Variants in ZFP82 observed in about 807,000 individuals in gnomAD.
ZFP82 encodes the protein ZFP82 zinc finger protein, also known as zinc finger protein 82 homolog.
ZFP82 carries 30 observed loss-of-function variants against 54.0 expected under a neutral mutation model. The ratio of observed to expected loss-of-function variants is 0.56; its 90% CI spans 0.42 to 0.75. The LOEUF is 0.75. ZFP82 is among the 30% of genes least tolerant of loss of function. ZFP82 has a pLI of 0.00. For synonymous variants in ZFP82, 194 were observed against 209.5 expected, an observed-to-expected ratio of 0.93 and a Z score of 0.64; for missense variants, 500 against 636.8, an observed-to-expected ratio of 0.79 and a Z score of 2.31.
chr19:36,397,017 A>G (rs1455704288), intron 4 of ZFP82, among the ~76,000 whole-genome samples: 2 of 152,188 alleles, frequency 1.3e-5, no homozygotes, highest in Non-Finnish European at 2.9e-5. Context: ...GAAGTAAAGC[A>G]GAAGAAAAAT....
intron 1 of ZFP82, among the ~76,000 whole-genome samples, chr19:36,414,306 C>G (rs1391958127): frequency 1.3e-5 from 2 of 151,316 alleles, no homozygotes; most frequent in African/African-American, 4.9e-5. Context: ...TGAGATTTTT[C>G]AGCATTGCTC....
At chr19:36,386,175 T>C (rs1321414728), downstream of ZFP82, among the ~76,000 whole-genome samples, 15 of 152,244 alleles carry the variant, frequency 9.9e-5, no homozygotes, top group Non-Finnish European at 1.5e-5. Context: ...TGCTGCCTCA[T>C]GACTCTGCTT....
chr19:36,406,612 T>C (rs1224480466), intron 3 of ZFP82, among the ~76,000 whole-genome samples: 2 of 152,264 alleles, frequency 1.3e-5, no homozygotes, highest in Non-Finnish European at 2.9e-5. Flanking sequence ...TGTATGACTA[T>C]GCCACATTTT....
At position 36,392,624 on chromosome 19, in the gene ZFP82, C is replaced by T; in HGVS notation, c.*117G>A. On this transcript the variant is annotated 3_prime_UTR_variant, in exon 5 of 5. Transcript: ENST00000392161. Reference sequence around the variant, plus strand: ...GTGATGATGGACTACAATACATTGTCACACTCTTTTAATGGTATAAAACCT... The same window carrying T: ...GTGATGATGGACTACAATACATTGTTACACTCTTTTAATGGTATAAAACCT... 1 of 860,410 alleles carries T rather than the reference C, an allele frequency of 1.2e-6. No individual in the cohort carries two copies. The highest frequency in any genetic ancestry group is 1.7e-6 in the Non-Finnish European group (1 of 588,058). The allele number at this position is 860,410 out of a possible 1,614,324, so 53.3% of individuals were successfully genotyped here.
chr19:36,404,197 C>A (rs1455099183), intron 4 of ZFP82, among the ~76,000 whole-genome samples: 1 of 152,186 alleles, frequency 6.6e-6, no homozygotes, highest in Non-Finnish European at 1.5e-5. Flanking sequence ...AAGTAAAAGT[C>A]CTAAACCCCG....
chr19:36,394,870 C>G (rs1404333723), intron 4 of ZFP82: 1 of 152,158 alleles, frequency 6.6e-6, no homozygotes, highest in Non-Finnish European at 1.5e-5. Context: ...ATTAACTTCT[C>G]CAATTGTTAT....
At chr19:36,405,266 G>A (rs1413365400) in intron 4 of ZFP82, among the ~76,000 whole-genome samples, 4 of 150,460 alleles carry the variant, frequency 2.7e-5, no homozygotes, top group African/African-American at 4.9e-5. Flanking sequence ...GTGAGCCAAA[G>A]AGAGCACCAC....
intron 1 of ZFP82, among the ~76,000 whole-genome samples, chr19:36,410,874 G>A (rs1489340955): frequency 6.6e-6 from 1 of 151,992 alleles, no homozygotes; most frequent in Non-Finnish European, 1.5e-5. Flanking sequence ...CCATGCAATG[G>A]ATCAGAAATT....
downstream of ZFP82, among the ~76,000 whole-genome samples, chr19:36,386,150 G>T (rs2032112525): frequency 6.6e-6 from 1 of 152,230 alleles, no homozygotes; most frequent in Non-Finnish European, 1.5e-5. Context: ...ATCACAGACA[G>T]CATTCACTGG....
Position 36,394,114 on chromosome 19 carries a change from A to T in ZFP82, c.230-4T>A, listed in dbSNP as rs2032255154. 6.3e-7 allele frequency: 1 copy of T among 1,595,074 alleles called. No individual in the cohort carries two copies. Among genetic ancestry groups the T allele is most frequent in the African/African-American group, 1.4e-5 (1 of 73,994 alleles). ...GTCTCATACTTGGTCTCCAAATCTAAAATAAAACAAGAAAGCAAACACATG... is the reference window on the plus strand; with the variant it reads ...GTCTCATACTTGGTCTCCAAATCTATAATAAAACAAGAAAGCAAACACATG... On this transcript the variant is annotated splice_polypyrimidine_tract_variant and splice_region_variant and intron_variant, in intron 4 of 4. Coordinates refer to ENST00000392161, the MANE Select transcript of ZFP82 (RefSeq NM_133466.4).
chr19:36,416,547 G>C (rs1392605187), intron 1 of ZFP82, among the ~76,000 whole-genome samples: 2 of 149,360 alleles, frequency 1.3e-5, no homozygotes, highest in Non-Finnish European at 3.0e-5. Context: ...ACCTGAGGTC[G>C]GGAGTTCAAG....
At chr19:36,409,136 T>C (rs1191909297) in intron 2 of ZFP82, among the ~76,000 whole-genome samples, 1 of 152,196 alleles carries the variant, frequency 6.6e-6, no homozygotes, top group Non-Finnish European at 1.5e-5. Flanking sequence ...AACTCAGGAA[T>C]TCCAAAAGAT....
intron 4 of ZFP82, 71 bp downstream of exon 4, chr19:36,405,509 G>A: frequency 8.6e-7 from 1 of 1,162,140 alleles, no homozygotes; most frequent in Non-Finnish European, 1.3e-6. Context: ...AACAACATAA[G>A]GATGTGTCTC....
In ZFP82 at chr19:36,389,184, C is replaced by T. The variant is rs1025615416; in HGVS notation, c.*3557G>A. ...CCTCCCGAGTAGCTGGGACTACAGG[C>T]GTGCCACCATGTCCAGCTAATTTTT... On this transcript the variant is annotated 3_prime_UTR_variant, in exon 5 of 5. Transcript: ENST00000392161. 2.0e-5 allele frequency among the ~76,000 whole-genome samples: 3 copies of T among 151,842 alleles called. No homozygotes were observed. The highest frequency in any genetic ancestry group is 7.3e-5 in the African/African-American group (3 of 41,322).
chr19:36,409,274 T>C (rs1032248893), intron 2 of ZFP82, among the ~76,000 whole-genome samples: 1 of 146,430 alleles, frequency 6.8e-6, no homozygotes, highest in Admixed American at 6.8e-5. Flanking sequence ...GTTTTATAAC[T>C]TTTTTTTTTT....
Position 36,391,771 on chromosome 19 carries a change from G to C in ZFP82, c.*970C>G, listed in dbSNP as rs1333858286. 6.6e-6 allele frequency: 1 copy of C among 152,018 alleles called. No individual in the cohort carries two copies. Among genetic ancestry groups the C allele is most frequent in the East Asian group, 1.9e-4 (1 of 5,182 alleles). 9.4% of individuals were successfully genotyped at this position (152,018 alleles called of 1,614,324 possible). ...CATGGGCCACCTCACCTGGTCTAGG[G>C]TATCTGTTTTTTAATGAACAAACTG... is the stretch of plus-strand genomic sequence containing the variant. On this transcript the variant is annotated 3_prime_UTR_variant, in exon 5 of 5. Transcript: ENST00000392161.
intron 4 of ZFP82, among the ~76,000 whole-genome samples, chr19:36,403,884 T>G (rs549699875): frequency 3.3e-5 from 5 of 152,262 alleles, no homozygotes; most frequent in Non-Finnish European, 7.3e-5. Context: ...ATCAAGCATA[T>G]CATTTTTGTA....
In ZFP82 at chr19:36,389,617, C is replaced by A. The variant is rs920065712; in HGVS notation, c.*3124G>T. Among the ~76,000 whole-genome samples, 1 of 152,234 alleles carries A rather than the reference C, an allele frequency of 6.6e-6. No homozygotes were observed. Among genetic ancestry groups the A allele is most frequent in the Non-Finnish European group, 1.5e-5 (1 of 68,042 alleles). On this transcript the variant is annotated 3_prime_UTR_variant, in exon 5 of 5. Coordinates refer to ENST00000392161, the MANE Select transcript of ZFP82 (RefSeq NM_133466.4). ...CCCATAATGCCATAGTCATGCCTAACATATGAACAATAAATTATTTCGTAT... is the reference window on the plus strand; with the variant it reads ...CCCATAATGCCATAGTCATGCCTAAAATATGAACAATAAATTATTTCGTAT...
intron 4 of ZFP82, chr19:36,394,596 T>A (rs2032264442): frequency 6.2e-6 from 1 of 160,300 alleles, no homozygotes; most frequent in African/African-American, 2.4e-5. Flanking sequence ...CAAACCAGTG[T>A]CCCCTTTACT....
Sources: allele counts gnomAD v4.1 joint callset (sites outside exome capture counted in the v4.1 genomes callset), GRCh38; gene constraint gnomAD v4.1.1; transcripts MANE v1.5; gene names NCBI Gene and HGNC (gene_info 2026-07-23, HGNC 2026-07-21).